Variants in PTPRN2 observed in about 807,000 individuals in gnomAD.
PTPRN2 encodes protein tyrosine phosphatase receptor type N2, also known as receptor-type tyrosine-protein phosphatase N2.
PTPRN2 carries 74 observed loss-of-function variants against 118.8 expected under a neutral mutation model. The observed-to-expected ratio is 0.62, with a 90% CI of 0.52 to 0.76. The LOEUF is 0.76. PTPRN2 is among the 30% of genes least tolerant of loss of function. The pLI, the probability that PTPRN2 is intolerant of heterozygous loss-of-function variation, is 0.00. For missense variants in PTPRN2, 1,481 were observed against 1,394.4 expected (o/e 1.06, Z -0.99); for synonymous variants, 641 against 608.0 (o/e 1.05, Z -0.80).
intron 3 of PTPRN2, among the ~76,000 whole-genome samples, chr7:158,291,046 TGCAGAGATGGG>T (rs1215666762): frequency 6.6e-6 from 1 of 152,228 alleles, no homozygotes; most frequent in Non-Finnish European, 1.5e-5. Flanking sequence ...AAGAGCAGGA[TGCAGAGATGGG>T]GCATTTCTGC....
At chr7:158,032,253 G>A (rs531046945) in intron 11 of PTPRN2, among the ~76,000 whole-genome samples, 1 of 152,294 alleles carries the variant, frequency 6.6e-6, no homozygotes, top group East Asian at 1.9e-4. Context: ...CTGTGGGGAA[G>A]CAAGGGCCCA....
chr7:158,337,457 A>AC (rs1483057632), intron 2 of PTPRN2, among the ~76,000 whole-genome samples: 1,135 of 94,270 alleles, frequency 0.012, 1 homozygote, highest in East Asian at 0.016. Flanking sequence ...GACGTCACTC[A>AC]AACCCACACT....
intron 6 of PTPRN2, among the ~76,000 whole-genome samples, chr7:158,152,522 G>A (rs1204342151): frequency 1.3e-5 from 2 of 152,180 alleles, no homozygotes; most frequent in Non-Finnish European, 2.9e-5. Flanking sequence ...GCTGGGAAGG[G>A]GAGAGCTGGT....
chr7:158,471,709 C>T (rs189015665), intron 2 of PTPRN2, among the ~76,000 whole-genome samples: 2,416 of 147,268 alleles, frequency 0.016, 63 homozygotes, highest in African/African-American at 0.057. Context: ...AACAAACAAA[C>T]AAAAAAAAAA....
intron 3 of PTPRN2, among the ~76,000 whole-genome samples, chr7:158,308,601 A>G (rs1801472189): frequency 6.6e-6 from 1 of 151,176 alleles, no homozygotes; most frequent in Admixed American, 6.6e-5. Context: ...GGAGGGAAAG[A>G]GAAAAAATGA....
intron 1 of PTPRN2, among the ~76,000 whole-genome samples, chr7:158,581,101 G>A (rs1032409499): frequency 3.9e-5 from 6 of 152,138 alleles, no homozygotes; most frequent in East Asian, 1.9e-4. Flanking sequence ...CGAGACAGAC[G>A]TCCTTGTTCT....
At chr7:157,735,387 AG>A (rs1800238695) in intron 12 of PTPRN2, among the ~76,000 whole-genome samples, 1 of 152,174 alleles carries the variant, frequency 6.6e-6, no homozygotes. Context: ...CTGAGCTCCA[AG>A]TCATCAGAGA....
Position 158,521,545 on chromosome 7 carries a change from G to A in PTPRN2, c.113-31760C>T, listed in dbSNP as rs560417010. On this transcript the variant is annotated intron_variant, in intron 1 of 22. Coordinates refer to ENST00000389418, the MANE Select transcript of PTPRN2 (RefSeq NM_002847.5). ...CTGGCTCAGGAGGAAGGTCCGCATC[G>A]GAATGGTGGACTGTCCAGGTACTGG... Among the ~76,000 whole-genome samples, 43 of 150,270 alleles carry A rather than the reference G, an allele frequency of 2.9e-4. 8 individuals carry two copies. Among genetic ancestry groups the A allele is most frequent in the Admixed American group, 9.3e-4 (14 of 15,052 alleles).
intron 11 of PTPRN2, among the ~76,000 whole-genome samples, chr7:157,912,359 G>A (rs1326607724): frequency 6.6e-6 from 1 of 152,002 alleles, no homozygotes; most frequent in Non-Finnish European, 1.5e-5. Flanking sequence ...TTTTCTACTG[G>A]GTTATTTGTC....
At chr7:157,595,161 G>A in intron 17 of PTPRN2, 77 bp downstream of exon 17, 1 of 1,371,750 alleles carries the variant, frequency 7.3e-7, no homozygotes, top group Non-Finnish European at 1.0e-6. Flanking sequence ...GGCCTAATCA[G>A]ATTCAAGACA....
At chr7:158,162,314 T>C (rs923890034) in intron 6 of PTPRN2, among the ~76,000 whole-genome samples, 1 of 152,202 alleles carries the variant, frequency 6.6e-6, no homozygotes. Context: ...GCTTTATGAA[T>C]AATTGCCAAT....
chr7:157,915,213 G>A (rs1037559235), intron 11 of PTPRN2, among the ~76,000 whole-genome samples: 6 of 152,050 alleles, frequency 3.9e-5, no homozygotes, highest in African/African-American at 1.4e-4. Flanking sequence ...CAAATTTCTT[G>A]GAATTTTACT....
chr7:158,463,003 T>TAAGAA (rs1819114006), intron 2 of PTPRN2, among the ~76,000 whole-genome samples: 3 of 7,652 alleles, frequency 3.9e-4, no homozygotes, highest in African/African-American at 1.9e-3. Flanking sequence ...TGATTTGAAC[T>TAAGAA]CAGATCATTA....
In PTPRN2 at chr7:158,317,414, C is replaced by T. The variant is rs570288019; in HGVS notation, c.164-482G>A. Among the ~76,000 whole-genome samples the T allele has an allele frequency of 2.9e-3, 440 of 152,354 alleles. 1 individual carries two copies. The highest frequency in any genetic ancestry group is 2.7e-3 in the Non-Finnish European group (186 of 68,036). ...GCTGCGTGGGAGGCAAGCACGGCTT[C>T]CCGGGCTCCTTTCCGGCGGCGCAGG... On this transcript the variant is annotated intron_variant, in intron 2 of 22. Transcript: ENST00000389418.
At chr7:158,141,981 C>T (rs552008221) in intron 6 of PTPRN2, among the ~76,000 whole-genome samples, 1 of 152,340 alleles carries the variant, frequency 6.6e-6, no homozygotes, top group South Asian at 2.1e-4. Context: ...TGGCCGAGTG[C>T]CCCGCTCTGG....
At position 158,316,859 on chromosome 7, in the gene PTPRN2, C is replaced by T. The variant is rs747897397; in HGVS notation, c.237G>A (p.Leu79=). Residue 79 remains leucine (L), a synonymous_variant, in exon 3 of 23, where the codon CTG becomes CTA. Transcript: ENST00000389418. The part of the protein sequence containing the change: ...FYRYEVSPVA[L]QRLRVALQKL... ...TCTGCAACGCCACGCGCAGGCGCTGCAGGGCCACGGGCGACACCTCGTAGC... is the reference window on the plus strand; with the variant it reads ...TCTGCAACGCCACGCGCAGGCGCTGTAGGGCCACGGGCGACACCTCGTAGC... 6.2e-7 allele frequency: 1 copy of T among 1,610,916 alleles called. No homozygotes were observed.
intron 3 of PTPRN2, among the ~76,000 whole-genome samples, chr7:158,279,285 T>C (rs1474101533): frequency 1.3e-5 from 2 of 152,224 alleles, no homozygotes; most frequent in East Asian, 3.9e-4. Context: ...CACAGAGTGC[T>C]GATTTGTGCA....
chr7:158,539,992 A>G (rs1490923660), intron 1 of PTPRN2: 3 of 250,936 alleles, frequency 1.2e-5, no homozygotes, highest in African/African-American at 7.1e-5. Flanking sequence ...AGCTGGGGAC[A>G]TACTGTGAGC....
rs1211760758 is a variant in PTPRN2 at position 158,342,056 on chromosome 7, G to T, written c.164-25124C>A. 2.3e-4 allele frequency among the ~76,000 whole-genome samples: 27 copies of T among 115,876 alleles called. 1 individual carries two copies. Among genetic ancestry groups the T allele is most frequent in the African/African-American group, 8.2e-4 (24 of 29,310 alleles). 76.0% of individuals were successfully genotyped at this position (115,876 alleles called of 152,430 possible). On this transcript the variant is annotated intron_variant, in intron 2 of 22. Coordinates refer to ENST00000389418, the MANE Select transcript of PTPRN2 (RefSeq NM_002847.5). ...ACCATAAGAGCTGACACCCGCAGACGTTACTCACATCCACACTCTCACCAG... is the reference window on the plus strand; with the variant it reads ...ACCATAAGAGCTGACACCCGCAGACTTTACTCACATCCACACTCTCACCAG...
Sources: allele counts gnomAD v4.1 joint callset (sites outside exome capture counted in the v4.1 genomes callset), GRCh38; gene constraint gnomAD v4.1.1; transcripts MANE v1.5; gene names NCBI Gene and HGNC (gene_info 2026-07-23, HGNC 2026-07-21).